Variants in RBM27 observed in about 807,000 individuals in gnomAD.
The protein encoded by RBM27 is RNA binding motif protein 27.
RBM27 carries 22 observed loss-of-function variants against 135.3 expected under a neutral mutation model. The observed-to-expected ratio is 0.16, with a 90% CI of 0.12 to 0.23. The LOEUF is 0.23. Ranked by LOEUF, RBM27 falls within the 10% of genes least tolerant of loss-of-function variation. The pLI is 1.00. For missense variants in RBM27, 1,009 were observed against 1,281.0 expected (o/e 0.79, Z 3.24); for synonymous variants, 481 against 442.4 (o/e 1.09, Z -1.10).
intron 8 of RBM27, among the ~76,000 whole-genome samples, chr5:146,239,482 T>C (rs1422350538): frequency 4.2e-5 from 6 of 144,114 alleles, no homozygotes; most frequent in African/African-American, 7.9e-5. Flanking sequence ...CTTTTTTTTT[T>C]TTTTTTTTTT....
intron 1 of RBM27, 54 bp downstream of exon 1, chr5:146,203,878 G>A: frequency 1.4e-6 from 2 of 1,469,236 alleles, no homozygotes; most frequent in South Asian, 1.2e-5. Context: ...GGGGGCTCGC[G>A]GGGGCGTGGG....
intron 1 of RBM27, among the ~76,000 whole-genome samples, chr5:146,208,913 T>A (rs1755821664): frequency 6.6e-6 from 1 of 152,222 alleles, no homozygotes; most frequent in East Asian, 1.9e-4. Context: ...AAACTTTCTC[T>A]TGGTGTGTGT....
intron 8 of RBM27, among the ~76,000 whole-genome samples, chr5:146,246,435 T>A (rs999230392): frequency 6.6e-6 from 1 of 152,248 alleles, no homozygotes; most frequent in African/African-American, 2.4e-5. Context: ...GTTTGGAAAC[T>A]ACTCTGACCA....
chr5:146,239,774 AC>A (rs1271818979), intron 8 of RBM27, among the ~76,000 whole-genome samples: 1 of 130,466 alleles, frequency 7.7e-6, no homozygotes, highest in Non-Finnish European at 1.6e-5. Flanking sequence ...CCACGCCTGG[AC>A]TTTTTTTTTT....
chr5:146,258,483 T>A lies in RBM27; in HGVS notation c.1629T>A (p.Val543=). 6.2e-7 allele frequency: 1 copy of A among 1,600,342 alleles called. No individual in the cohort carries two copies. The highest frequency in any genetic ancestry group is 2.3e-5 in the East Asian group (1 of 44,026). Residue 543 remains valine, a synonymous_variant, in exon 11 of 21, where the codon GTT becomes GTA. Transcript: ENST00000265271. ...TTGTGATCCAGACTGAACCACCAGT[T>A]CCTGTTTCGATTAATAGCAACATAA... ...ANIVIQTEPP[V]PVSINSNITR...
intron 1 of RBM27, among the ~76,000 whole-genome samples, chr5:146,210,823 T>G (rs1243400649): frequency 6.6e-6 from 1 of 151,914 alleles, no homozygotes; most frequent in East Asian, 1.9e-4. Context: ...GGCGGGCGCC[T>G]GTAGTCCCAG....
intron 16 of RBM27, 57 bp from the exon 17 acceptor site, chr5:146,269,363 C>T: frequency 6.8e-7 from 1 of 1,477,908 alleles, no homozygotes; most frequent in African/African-American, 1.4e-5. Flanking sequence ...TTTTTAAAGA[C>T]TTCTTTATAT....
At position 146,261,635 on chromosome 5, in the gene RBM27, G is replaced by A. The variant is rs1581216707; in HGVS notation, c.2019G>A (p.Arg673=). The change falls in exon 13 of 21, where the codon AGG becomes AGA. Residue 673 remains arginine, a synonymous_variant. Coordinates refer to ENST00000265271, the MANE Select transcript of RBM27 (RefSeq NM_018989.2). The part of the protein sequence containing the change: ...NNRFIRVLWH[R]ENNEQPTLQS... ...GATTCATTCGAGTCTTGTGGCATAG[G>A]GAAAATAATGAGCAACCGACACTAC... is the stretch of plus-strand genomic sequence containing the variant. The A allele has an allele frequency of 4.3e-6, 7 of 1,614,140 alleles. No homozygotes were observed. The East Asian group carries it at 1.6e-4, about 36-fold the overall frequency.
intron 8 of RBM27, among the ~76,000 whole-genome samples, chr5:146,247,681 T>C (rs1259059858): frequency 1.3e-5 from 2 of 152,210 alleles, no homozygotes; most frequent in Non-Finnish European, 2.9e-5. Context: ...AAGTTAGAGC[T>C]AGGTATTTGA....
At chr5:146,233,774 G>A in intron 7 of RBM27, 31 bp downstream of exon 7, 1 of 1,353,152 alleles carries the variant, frequency 7.4e-7, no homozygotes, top group Non-Finnish European at 9.6e-7. Flanking sequence ...TTTTTCTCTA[G>A]CGTTCTGTTT....
At chr5:146,247,763 A>G (rs1757694972) in intron 8 of RBM27, among the ~76,000 whole-genome samples, 1 of 152,198 alleles carries the variant, frequency 6.6e-6, no homozygotes, top group African/African-American at 2.4e-5. Context: ...TACACAGTAC[A>G]TTATAATGCT....
chr5:146,281,793 C>T (rs935963836), intron 19 of RBM27, among the ~76,000 whole-genome samples: 1 of 152,132 alleles, frequency 6.6e-6, no homozygotes, highest in African/African-American at 2.4e-5. Context: ...GTTTTATCAC[C>T]TAAATATGCA....
chr5:146,267,566 G>A (rs1425539534), intron 14 of RBM27, 83 bp from the exon 15 acceptor site: 2 of 856,150 alleles, frequency 2.3e-6, no homozygotes, highest in Non-Finnish European at 3.6e-6. Flanking sequence ...AGAAATATAT[G>A]CATCTTTTCT....
chr5:146,271,597 G>C lies in RBM27; in HGVS notation c.2911G>C (p.Val971Leu). The C allele has an allele frequency of 1.2e-6, 2 of 1,613,868 alleles. No individual in the cohort carries two copies. The highest frequency in any genetic ancestry group is 2.2e-5 in the South Asian group (2 of 91,076). The part of the protein sequence containing the change: ...RGRGSLNHMV[V>L]DHRPKALTVG... ...AAGGGGCTCACTAAATCACATGGTG[G>C]TGGACCATCGTCCCAAAGCACTAAC... Residue 971 changes from valine to leucine, a missense_variant, in exon 19 of 21, where the codon GTG (valine) becomes CTG (leucine). By Grantham distance (32) the Val-to-Leu change is conservative. Around this residue, in one of 6 missense-constraint regions of RBM27, gnomAD observed 355 missense variants for 427.3 expected, o/e 0.83. Transcript: ENST00000265271.
At position 146,255,025 on chromosome 5, in the gene RBM27, A is replaced by G; in HGVS notation, c.1527A>G (p.Ser509=). ...SGRSQYRQFF[S]RTQTQRPNLI... ...GATCTCAGTACAGACAGTTCTTTTC[A>G]AGAACTCAGACACAGCGTCCCAATC... Residue 509 remains serine (S), a synonymous_variant, in exon 10 of 21, where the codon TCA becomes TCG. Coordinates refer to ENST00000265271, the MANE Select transcript of RBM27 (RefSeq NM_018989.2). 1 of 1,609,282 alleles carries G rather than the reference A, an allele frequency of 6.2e-7. No individual in the cohort carries two copies. The highest frequency in any genetic ancestry group is 1.1e-5 in the South Asian group (1 of 90,952).
intron 3 of RBM27, among the ~76,000 whole-genome samples, chr5:146,224,499 T>C (rs1756583370): frequency 6.6e-6 from 1 of 152,034 alleles, no homozygotes; most frequent in Admixed American, 6.6e-5. Flanking sequence ...CTGGCCAACA[T>C]GGGAAACCCT....
intron 19 of RBM27, among the ~76,000 whole-genome samples, chr5:146,276,890 A>C (rs35575652): frequency 0.21 from 31,892 of 152,156 alleles, 4,254 homozygotes; most frequent in Admixed American, 0.33. Context: ...CCCTATCTTT[A>C]CAAAACAACT....
At chr5:146,230,968 A>G in intron 6 of RBM27, 51 bp downstream of exon 6, 2 of 1,572,976 alleles carry the variant, frequency 1.3e-6, no homozygotes, top group African/African-American at 2.7e-5. Flanking sequence ...CTAGCAGAGC[A>G]AATGTTGCAT....
At chr5:146,212,090 C>T (rs1297194994) in intron 1 of RBM27, among the ~76,000 whole-genome samples, 1 of 151,848 alleles carries the variant, frequency 6.6e-6, no homozygotes, top group Non-Finnish European at 1.5e-5. Flanking sequence ...GAGTCTTGCT[C>T]TGTCACCCAG....
Sources: gnomAD v4.1 joint callset for allele counts (sites outside exome capture counted in the v4.1 genomes callset) on GRCh38, gnomAD v4.1.1 for gene constraint, gnomAD v4.1.1 regional missense constraint, MANE v1.5 for transcripts, NCBI Gene and HGNC (gene_info 2026-07-23, HGNC 2026-07-21) for gene names.